The following BRWD1 variants were observed in gnomAD, a reference collection of about 807,000 sequenced individuals.
BRWD1 encodes the protein bromodomain and WD repeat-containing protein 1.
Under a neutral mutation model 251.2 loss-of-function variants are expected in BRWD1, and 82 were observed. The ratio of observed to expected loss-of-function variants is 0.33; its 90% confidence interval spans 0.27 to 0.39. The LOEUF (loss-of-function observed/expected upper bound fraction) is 0.39. Among genes scored for constraint, BRWD1 ranks in the 10% least tolerant of loss-of-function variants. The pLI is 1.00. For synonymous variants in BRWD1, 918 were observed against 902.8 expected (o/e 1.02, Z -0.30); for missense variants, 2,233 against 2,711.6 (o/e 0.82, Z 3.92).
intron 17 of BRWD1, among the ~76,000 whole-genome samples, chr21:39,262,958 A>C (rs1395721680): frequency 6.6e-6 from 1 of 151,848 alleles, no homozygotes; most frequent in African/African-American, 2.4e-5. Flanking sequence ...TCTACTAAAA[A>C]TACAAAAATT....
At chr21:39,314,362 GT>G (rs1568990145), upstream of BRWD1, 1 of 455,540 alleles carries the variant, frequency 2.2e-6, no homozygotes, top group Non-Finnish European at 4.4e-6. Flanking sequence ...GGGGGTGCGA[GT>G]CGGGGGAGCA....
At position 39,313,118 on chromosome 21, in the gene BRWD1, C is replaced by G; in HGVS notation, c.109-17G>C. 2.0e-6 allele frequency: 3 copies of G among 1,496,170 alleles called. No homozygotes were observed. Among genetic ancestry groups the G allele is most frequent in the Non-Finnish European group, 2.7e-6 (3 of 1,124,750 alleles). The allele number at this position is 1,496,170 out of a possible 1,614,324, so 92.7% of individuals were successfully genotyped here. On this transcript the variant is annotated splice_polypyrimidine_tract_variant and intron_variant, in intron 2 of 40. Transcript: ENST00000342449. The stretch of plus-strand genomic sequence containing the variant: ...CACCAGCACCTGCGGCCGAGAGACG[C>G]GCGGTCAGGGGTGGGGTCGGGCCCG...
In BRWD1 at chr21:39,199,481, A is replaced by G. The variant is rs746081647; in HGVS notation, c.4935T>C (p.Asp1645=). The change falls in exon 40 of 41, where the codon GAT becomes GAC. Residue 1645 remains aspartate (D), a synonymous_variant. Transcript: ENST00000342449. ...TTTCAGAGCTAGAATTCTCTTCTAC[A>G]TCACTCATTAGCTTTATTTTATTGG... ...VAANKIKLMS[D]VEENSSSESV... is the part of the protein sequence containing the mutation. The G allele has an allele frequency of 6.2e-7, 1 of 1,614,214 alleles. No individual in the cohort carries two copies. Among genetic ancestry groups the G allele is most frequent in the South Asian group, 1.1e-5 (1 of 91,084 alleles).
intron 5 of BRWD1, chr21:39,297,387 C>T: frequency 1.0e-6 from 1 of 985,366 alleles, no homozygotes; most frequent in Non-Finnish European, 1.2e-6. Context: ...TACGCCCCTA[C>T]CCTAGGGCAG....
In BRWD1 at chr21:39,195,611, A is replaced by G. The variant is rs1161482615; in HGVS notation, c.*648T>C. On this transcript the variant is annotated 3_prime_UTR_variant, in exon 41 of 41. Coordinates refer to ENST00000342449, the MANE Select transcript of BRWD1 (RefSeq NM_033656.4). The stretch of plus-strand genomic sequence containing the variant: ...ACCAGCACTTTATAAATTCAAGTTT[A>G]TAACATAAAAGTGACAACGTTTTCC... 5.1e-6 allele frequency: 5 copies of G among 984,282 alleles called. No homozygotes were observed. The highest frequency in any genetic ancestry group is 4.8e-6 in the Non-Finnish European group (4 of 828,646). The allele number at this position is 984,282 out of a possible 1,614,324, so 61.0% of individuals were successfully genotyped here. A position where few individuals can be genotyped will look rare whatever the true frequency, so the allele number is the denominator to read the frequency against.
At chr21:39,310,591 AAC>A (rs1443759986) in intron 4 of BRWD1, among the ~76,000 whole-genome samples, 2 of 148,606 alleles carry the variant, frequency 1.3e-5, no homozygotes. Context: ...TGCTCCTCAA[AAC>A]AGACTGTCTC....
intron 35 of BRWD1, among the ~76,000 whole-genome samples, chr21:39,210,549 T>A (rs1437762293): frequency 6.6e-6 from 1 of 152,188 alleles, no homozygotes; most frequent in African/African-American, 2.4e-5. Context: ...AGTAGATCCA[T>A]CCCACTGTTA....
At chr21:39,200,082 T>C in intron 39 of BRWD1, 137 bp downstream of exon 39, 1 of 884,944 alleles carries the variant, frequency 1.1e-6, no homozygotes, top group Non-Finnish European at 1.6e-6. Context: ...CCAAAATTCA[T>C]TTCCTTCCTA....
intron 4 of BRWD1, among the ~76,000 whole-genome samples, chr21:39,307,951 G>C (rs2036343242): frequency 6.6e-6 from 1 of 152,192 alleles, no homozygotes; most frequent in Non-Finnish European, 1.5e-5. Context: ...ATGGTAGTGT[G>C]ATTGATGAGC....
At chr21:39,240,062 C>A (rs374179029) in intron 21 of BRWD1, among the ~76,000 whole-genome samples, 2 of 150,174 alleles carry the variant, frequency 1.3e-5, no homozygotes, top group African/African-American at 5.0e-5. Flanking sequence ...CTAAAAAAAA[C>A]AAACAAACAA....
chr21:39,231,204 A>G (rs1448192870), intron 25 of BRWD1, among the ~76,000 whole-genome samples: 1 of 152,190 alleles, frequency 6.6e-6, no homozygotes, highest in South Asian at 2.1e-4. Context: ...AAAATAAAAA[A>G]ACACGTGTAC....
intron 15 of BRWD1, among the ~76,000 whole-genome samples, chr21:39,268,273 T>C (rs569208511): frequency 9.2e-5 from 14 of 152,110 alleles, no homozygotes; most frequent in African/African-American, 3.1e-4. Flanking sequence ...ACCCCATCTC[T>C]ACTAAAAATA....
intron 21 of BRWD1, 22 bp downstream of exon 21, chr21:39,247,679 C>T (rs1405491578): frequency 1.3e-6 from 2 of 1,583,838 alleles, no homozygotes; most frequent in African/African-American, 2.7e-5. Context: ...TATCTTATAA[C>T]ATTTTAAAGT....
At chr21:39,313,634 GA>G (rs2036603800), upstream of BRWD1, 1 of 542,982 alleles carries the variant, frequency 1.8e-6, no homozygotes, top group Admixed American at 5.0e-5. Context: ...GCGCCGCCTG[GA>G]CCGACGCCTC....
At chr21:39,276,735 T>C (rs1220158308) in intron 11 of BRWD1, among the ~76,000 whole-genome samples, 1 of 134,388 alleles carries the variant, frequency 7.4e-6, no homozygotes, top group Non-Finnish European at 1.6e-5. Flanking sequence ...AAAATCACAT[T>C]CTTATTTCAT....
chr21:39,248,498 C>T (rs1339071718), intron 20 of BRWD1, among the ~76,000 whole-genome samples: 1 of 151,526 alleles, frequency 6.6e-6, no homozygotes, highest in Non-Finnish European at 1.5e-5. Flanking sequence ...ATTAGCTGGG[C>T]ATGGTGGTAC....
chr21:39,241,478 A>AGT, intron 21 of BRWD1, among the ~76,000 whole-genome samples: 5 of 34,638 alleles, frequency 1.4e-4, no homozygotes, highest in Non-Finnish European at 3.2e-4. Context: ...CAAAGTAAAA[A>AGT]AAAAAAAAAA....
chr21:39,197,268 G>A lies in BRWD1; in HGVS notation c.5801C>T (p.Thr1934Met), dbSNP rs779526219. The change falls in exon 41 of 41, where the codon ACG (threonine) becomes ATG (methionine). Residue 1934 changes from threonine (T) to methionine (M), a missense_variant. Thr to Met is a moderately conservative substitution (Grantham distance 81). Transcript: ENST00000342449. Reference sequence around the variant, plus strand: ...CATGAGCTTGATCTTATTGGCAGCCGTAGCTGCACATCTTCGAGTAATCCT... The same window carrying A: ...CATGAGCTTGATCTTATTGGCAGCCATAGCTGCACATCTTCGAGTAATCCT... ...LLRITRRCAA[T>M]AANKIKLMSD... The A allele has an allele frequency of 2.3e-5, 37 of 1,614,042 alleles. No individual in the cohort carries two copies. The highest frequency in any genetic ancestry group is 1.3e-4 in the East Asian group (6 of 44,882).
chr21:39,277,246 C>T lies in BRWD1; in HGVS notation c.1104+5G>A. On this transcript the variant is annotated splice_donor_5th_base_variant and intron_variant, in intron 11 of 40. Coordinates refer to ENST00000342449, the MANE Select transcript of BRWD1 (RefSeq NM_033656.4). Reference sequence around the variant, plus strand: ...TCTAAAGGATTTTAAAACGTGGATGCTTACAGTGTGGCTTTCAAGTTCTGC... The same window carrying T: ...TCTAAAGGATTTTAAAACGTGGATGTTTACAGTGTGGCTTTCAAGTTCTGC... 1 of 1,593,304 alleles carries T rather than the reference C, an allele frequency of 6.3e-7. No homozygotes were observed. Among genetic ancestry groups the T allele is most frequent in the East Asian group, 2.2e-5 (1 of 44,586 alleles).
Sources: allele counts gnomAD v4.1 joint callset (sites outside exome capture counted in the v4.1 genomes callset), GRCh38; gene constraint gnomAD v4.1.1; transcripts MANE v1.5; gene names NCBI Gene and HGNC (gene_info 2026-07-23, HGNC 2026-07-21).